PIGN: variants seen among roughly 807,000 people sequenced by gnomAD.
The protein encoded by PIGN is phosphatidylinositol glycan anchor biosynthesis class N, also known as GPI ethanolamine phosphate transferase 1.
Under a neutral mutation model 125.4 loss-of-function variants are expected in PIGN, and 117 were observed. The observed-to-expected ratio is 0.93, with a 90% CI of 0.80 to 1.09. PIGN has a LOEUF of 1.09. PIGN is among the 50% of genes least tolerant of loss of function. PIGN has a pLI of 0.00. For synonymous variants in PIGN, 392 were observed against 377.8 expected, an observed-to-expected ratio of 1.04 and a Z score of -0.44; for missense variants, 1,075 against 1,094.9, an observed-to-expected ratio of 0.98 and a Z score of 0.26.
chr18:62,180,406 A>C (rs559970417), intron 1 of PIGN, among the ~76,000 whole-genome samples: 4 of 152,188 alleles, frequency 2.6e-5, no homozygotes, highest in Admixed American at 2.6e-4. Flanking sequence ...CTAATAAACA[A>C]AATTTTCAAC....
chr18:62,072,462 T>G, intron 30 of PIGN: 2 of 392,162 alleles, frequency 5.1e-6, no homozygotes, highest in Non-Finnish European at 9.2e-6. Flanking sequence ...TGGGTTACAA[T>G]TGCCTACAGT....
chr18:62,116,933 A>G (rs12454289), intron 14 of PIGN, among the ~76,000 whole-genome samples: 169 of 152,278 alleles, frequency 1.1e-3, no homozygotes, highest in Admixed American at 2.4e-3. Context: ...AAGTCTTATG[A>G]AGAATAAGAG....
At chr18:62,143,177 C>T in intron 11 of PIGN, 129 bp downstream of exon 11, 1 of 605,026 alleles carries the variant, frequency 1.7e-6, no homozygotes, top group Non-Finnish European at 2.9e-6. Context: ...AAAAGAATTC[C>T]CCTTAGTAAC....
In PIGN at chr18:62,156,337, TA is replaced by T. The variant is rs553317587; in HGVS notation, c.442+791del. 3.7e-3 allele frequency among the ~76,000 whole-genome samples: 568 copies of T among 152,304 alleles called. 1 individual carries two copies. Among genetic ancestry groups the T allele is most frequent in the Non-Finnish European group, 6.4e-3 (438 of 68,018 alleles). ...ATAACTATATATTTTAACACTTAAA[TA>T]TTTTTTTTGAGATAGGGTGTTGCTC... On this transcript the variant is annotated intron_variant, in intron 6 of 30. Transcript: ENST00000640252.
At chr18:62,165,862 C>T (rs965877513) in intron 1 of PIGN, among the ~76,000 whole-genome samples, 2 of 151,892 alleles carry the variant, frequency 1.3e-5, no homozygotes, top group Admixed American at 6.6e-5. Flanking sequence ...TTTAAACAGT[C>T]GTGTGAGCTG....
intron 30 of PIGN, among the ~76,000 whole-genome samples, chr18:62,064,331 A>T (rs551158830): frequency 6.6e-6 from 1 of 152,272 alleles, no homozygotes; most frequent in South Asian, 2.1e-4. Context: ...AATGTCCCAT[A>T]CCAGTTATAC....
At chr18:62,185,404 T>C (rs2037876229) in intron 1 of PIGN, among the ~76,000 whole-genome samples, 1 of 152,172 alleles carries the variant, frequency 6.6e-6, no homozygotes, top group East Asian at 1.9e-4. Flanking sequence ...TAGTTTAAAT[T>C]CTTGGTACTT....
chr18:62,181,263 G>C (rs2037706251), intron 1 of PIGN, among the ~76,000 whole-genome samples: 1 of 152,020 alleles, frequency 6.6e-6, no homozygotes, highest in Non-Finnish European at 1.5e-5. Context: ...TTTCTGAAAA[G>C]GATACATCTC....
intron 1 of PIGN, among the ~76,000 whole-genome samples, chr18:62,176,450 C>T (rs567189297): frequency 1.8e-4 from 28 of 151,824 alleles, no homozygotes; most frequent in African/African-American, 6.8e-4. Flanking sequence ...TTATTCCTTA[C>T]AAAGGGAAAA....
intron 1 of PIGN, among the ~76,000 whole-genome samples, chr18:62,175,777 T>C (rs2147897668): frequency 6.6e-6 from 1 of 152,320 alleles, no homozygotes; most frequent in Admixed American, 6.5e-5. Context: ...GATTCATTGG[T>C]GGAATGAGTA....
Position 62,161,225 on chromosome 18 carries a change from C to T in PIGN, c.129G>A (p.Ala43=), listed in dbSNP as rs776573483. The part of the protein sequence containing the change: ...TPQFTPLPPP[A]RRLVLFVADG... ...CAGCAACAAACAACACTAATCTTCT[C>T]GCTGGAGGAGGCAATGGTGTAAACT... Residue 43 remains alanine, a synonymous_variant, in exon 4 of 31, where the codon GCG becomes GCA. Coordinates refer to ENST00000640252, the MANE Select transcript of PIGN (RefSeq NM_176787.5). The T allele has an allele frequency of 7.4e-6, 12 of 1,613,658 alleles. No homozygotes were observed. Among genetic ancestry groups the T allele is most frequent in the East Asian group, 2.2e-5 (1 of 44,880 alleles).
chr18:62,027,756 C>A (rs1568103705), intron 23 of PIGN, among the ~76,000 whole-genome samples: 1 of 151,824 alleles, frequency 6.6e-6, no homozygotes, highest in Non-Finnish European at 1.5e-5. Flanking sequence ...ATAGTGAGAA[C>A]TTTAGCTGGG....
chr18:62,126,767 A>G (rs1384683714), intron 14 of PIGN, among the ~76,000 whole-genome samples: 1 of 152,130 alleles, frequency 6.6e-6, no homozygotes, highest in Admixed American at 6.6e-5. Context: ...CTTTAGATTC[A>G]GATTTCCGAT....
chr18:62,103,229 G>C (rs2034513598), intron 20 of PIGN, among the ~76,000 whole-genome samples: 1 of 152,040 alleles, frequency 6.6e-6, no homozygotes, highest in Non-Finnish European at 1.5e-5. Context: ...TATTTAGCCT[G>C]AATTGGGCAA....
At chr18:62,157,831 A>T (rs1395896588) in intron 4 of PIGN, 23 bp from the exon 5 acceptor site, 2 of 1,590,822 alleles carry the variant, frequency 1.3e-6, no homozygotes, top group Non-Finnish European at 1.7e-6. Context: ...AAAGACAAAT[A>T]GTTAACACAG....
chr18:62,108,462 A>C, intron 17 of PIGN, among the ~76,000 whole-genome samples: 1 of 152,194 alleles, frequency 6.6e-6, no homozygotes. Context: ...ATCTGAGTTA[A>C]ATATGCGTAT....
intron 11 of PIGN, among the ~76,000 whole-genome samples, chr18:62,142,410 T>A (rs1252099837): frequency 6.6e-6 from 1 of 152,054 alleles, no homozygotes; most frequent in Non-Finnish European, 1.5e-5. Flanking sequence ...GTTCTTGTTT[T>A]GTGATCTTCA....
At chr18:62,070,461 G>A in intron 30 of PIGN, 2 of 392,018 alleles carry the variant, frequency 5.1e-6, no homozygotes, top group Non-Finnish European at 9.0e-6. Flanking sequence ...TATTGGGAGA[G>A]GCAGATATGT....
chr18:62,134,033 C>A (rs958580847), intron 14 of PIGN, among the ~76,000 whole-genome samples: 2 of 152,064 alleles, frequency 1.3e-5, no homozygotes, highest in Non-Finnish European at 2.9e-5. Flanking sequence ...CTCTGGCTTT[C>A]CTCCCCACTC....
Sources: gnomAD v4.1 joint callset for allele counts (sites outside exome capture counted in the v4.1 genomes callset) on GRCh38, gnomAD v4.1.1 for gene constraint, MANE v1.5 for transcripts, NCBI Gene and HGNC (gene_info 2026-07-23, HGNC 2026-07-21) for gene names.